The following TNRC6A variants were observed in gnomAD, a reference collection of about 807,000 sequenced individuals.
TNRC6A encodes trinucleotide repeat-containing gene 6A protein.
A neutral mutation model predicts 221.2 loss-of-function variants in TNRC6A; 44 were observed. The ratio of observed to expected loss-of-function variants is 0.20; its 90% CI spans 0.16 to 0.26. The LOEUF is 0.26. Among genes scored for constraint, TNRC6A ranks in the 10% least tolerant of loss-of-function variants. The pLI is 1.00. For synonymous variants in TNRC6A, 847 were observed against 838.5 expected, an observed-to-expected ratio of 1.01 and a Z score of -0.18; for missense variants, 2,199 against 2,404.4, an observed-to-expected ratio of 0.91 and a Z score of 1.79.
At chr16:24,816,639 A>T in intron 19 of TNRC6A, 177 bp from the exon 20 acceptor site, 1 of 744,712 alleles carries the variant, frequency 1.3e-6, no homozygotes, top group South Asian at 2.4e-5. Flanking sequence ...AGTAATTTAT[A>T]AAGAATAGCT....
chr16:24,694,160 C>G (rs1392138641), intron 2 of TNRC6A, among the ~76,000 whole-genome samples: 1 of 152,078 alleles, frequency 6.6e-6, no homozygotes, highest in African/African-American at 2.4e-5. Context: ...AAGACTCACG[C>G]CTCCCCTCTT....
intron 14 of TNRC6A, 172 bp from the exon 15 acceptor site, chr16:24,805,433 C>G: frequency 9.9e-7 from 1 of 1,011,256 alleles, no homozygotes; most frequent in Non-Finnish European, 1.4e-6. Context: ...TTTTACTTAA[C>G]CCACGAAAAA....
At chr16:24,621,346 T>G (rs900856679) in intron 1 of TNRC6A, among the ~76,000 whole-genome samples, 14 of 24,696 alleles carry the variant, frequency 5.7e-4, no homozygotes, top group Non-Finnish European at 9.7e-4. Context: ...GAATATGGTC[T>G]TTTTTTTTTT....
rs938169376 is a variant in TNRC6A at position 24,764,330 on chromosome 16, C to CTTT, written c.163+5982_163+5984dup. On this transcript the variant is annotated intron_variant, in intron 4 of 24. Coordinates refer to ENST00000395799, the MANE Select transcript of TNRC6A (RefSeq NM_014494.4). ...TTGCCACAATTTCTTCTTTTCTTTT[C>CTTT]TTTTTTTTTTTTTTGAGACAGAGTC... 8.4e-5 allele frequency among the ~76,000 whole-genome samples: 12 copies of CTTT among 142,058 alleles called. 1 individual carries two copies. Among genetic ancestry groups the CTTT allele is most frequent in the African/African-American group, 2.8e-4 (11 of 38,984 alleles). The allele number at this position is 142,058 out of a possible 152,430, so 93.2% of individuals were successfully genotyped here. A position where few individuals can be genotyped will look rare whatever the true frequency, so the allele number is the denominator to read the frequency against.
chr16:24,637,918 G>A (rs572236011), intron 1 of TNRC6A, among the ~76,000 whole-genome samples: 39 of 152,170 alleles, frequency 2.6e-4, no homozygotes, highest in African/African-American at 8.7e-4. Flanking sequence ...TCAAGTATCT[G>A]GGACTACCAG....
chr16:24,820,063 A>T (rs2058736382), intron 21 of TNRC6A, 76 bp from the exon 22 acceptor site: 1 of 1,367,634 alleles, frequency 7.3e-7, no homozygotes, highest in South Asian at 1.2e-5. Context: ...TTGTGGGAGA[A>T]TGGATGTCAT....
chr16:24,675,817 C>G (rs2142026193), intron 2 of TNRC6A, among the ~76,000 whole-genome samples: 1 of 148,746 alleles, frequency 6.7e-6, no homozygotes, highest in South Asian at 2.1e-4. Context: ...CACATAGGGT[C>G]TAGGAATTCA....
At chr16:24,610,683 G>T (rs1900005861) in intron 1 of TNRC6A, among the ~76,000 whole-genome samples, 1 of 152,136 alleles carries the variant, frequency 6.6e-6, no homozygotes, top group Non-Finnish European at 1.5e-5. Context: ...GGTGGAAGGA[G>T]CTTCTCCTTC....
chr16:24,678,008 T>G (rs1205672693), intron 2 of TNRC6A, among the ~76,000 whole-genome samples: 3 of 151,920 alleles, frequency 2.0e-5, no homozygotes. Flanking sequence ...AGTGTAACAC[T>G]TCTAATAAAT....
chr16:24,806,380 C>A, intron 16 of TNRC6A, 97 bp downstream of exon 16: 3 of 1,485,856 alleles, frequency 2.0e-6, no homozygotes, highest in South Asian at 1.2e-5. Context: ...TTTCTTAAAA[C>A]AATCTTACTA....
intron 2 of TNRC6A, among the ~76,000 whole-genome samples, chr16:24,723,376 C>T (rs2056443723): frequency 6.6e-6 from 1 of 152,066 alleles, no homozygotes; most frequent in South Asian, 2.1e-4. Context: ...GGAGGATCAC[C>T]TGAGGTCAGG....
chr16:24,823,847 G>C lies in TNRC6A; in HGVS notation c.*40G>C. The C allele has an allele frequency of 7.3e-7, 1 of 1,366,054 alleles. No individual in the cohort carries two copies. The highest frequency in any genetic ancestry group is 2.4e-5 in the South Asian group (1 of 42,450). The allele number at this position is 1,366,054 out of a possible 1,614,324, so 84.6% of individuals were successfully genotyped here. Reference sequence around the variant, plus strand: ...ACTCACCGACCGGGACCTCAGACGCGAGGGAAAGGAGCACTAAGTGGGGCT... The same window carrying C: ...ACTCACCGACCGGGACCTCAGACGCCAGGGAAAGGAGCACTAAGTGGGGCT... On this transcript the variant is annotated 3_prime_UTR_variant, in exon 25 of 25. Transcript: ENST00000395799. This position sits in a 1 kb window ranked among gnomAD's most constrained non-coding sequence, Gnocchi z 4.3.
At chr16:24,763,146 A>G (rs186824642) in intron 4 of TNRC6A, among the ~76,000 whole-genome samples, 428 of 152,288 alleles carry the variant, frequency 2.8e-3, no homozygotes, top group African/African-American at 9.9e-3. Context: ...TGATTCTAAA[A>G]TCTCCTGCAT....
In TNRC6A at chr16:24,791,161, G is replaced by T; in HGVS notation, c.2519G>T (p.Gly840Val). 1 of 1,614,116 alleles carries T rather than the reference G, an allele frequency of 6.2e-7. No individual in the cohort carries two copies. Among genetic ancestry groups the T allele is most frequent in the Non-Finnish European group, 8.5e-7 (1 of 1,180,022 alleles). Residue 840 changes from glycine (G) to valine (V), a missense_variant, in exon 6 of 25, where the codon GGT becomes GTT. This residue lies in a region of TNRC6A where 1,405 missense variants were observed against 1,400.2 expected (regional missense o/e 1.00). Transcript: ENST00000395799. Reference sequence around the variant, plus strand: ...TCGCAAAAGAATAAACAGGGATGGGGTGATGGACAAAAATCAAGCCAAGGG... The same window carrying T: ...TCGCAAAAGAATAAACAGGGATGGGTTGATGGACAAAAATCAAGCCAAGGG... ...NDSQKNKQGWGDGQKSSQGWS... is the reference protein window; with the variant it reads ...NDSQKNKQGWVDGQKSSQGWS...
At chr16:24,706,393 A>G (rs76080327) in intron 2 of TNRC6A, among the ~76,000 whole-genome samples, 1,859 of 152,318 alleles carry the variant, frequency 0.012, 44 homozygotes, top group African/African-American at 0.041. Context: ...GAAGCACATT[A>G]TAAAGCTACA....
At chr16:24,784,027 C>G (rs536034246) in intron 5 of TNRC6A, among the ~76,000 whole-genome samples, 1 of 152,112 alleles carries the variant, frequency 6.6e-6, no homozygotes, top group Non-Finnish European at 1.5e-5. Flanking sequence ...GATGGAGTTT[C>G]GCTCTTACAT....
At chr16:24,624,684 A>G (rs9929030) in intron 1 of TNRC6A, among the ~76,000 whole-genome samples, 9,690 of 151,760 alleles carry the variant, frequency 0.064, 738 homozygotes, top group African/African-American at 0.17. Flanking sequence ...GAGCTTCCCT[A>G]TGTTGCCCAG....
intron 2 of TNRC6A, among the ~76,000 whole-genome samples, chr16:24,724,590 A>G (rs2056462571): frequency 6.6e-6 from 1 of 152,112 alleles, no homozygotes; most frequent in Middle Eastern, 3.2e-3. Flanking sequence ...TACAAAAAAT[A>G]CAAAAAGTAG....
intron 2 of TNRC6A, among the ~76,000 whole-genome samples, chr16:24,661,178 A>G (rs1462392329): frequency 6.6e-6 from 1 of 152,084 alleles, no homozygotes; most frequent in Non-Finnish European, 1.5e-5. Flanking sequence ...TGCGCCTGTC[A>G]AAGGAGGAGT....
Sources: gnomAD v4.1 joint callset for allele counts (sites outside exome capture counted in the v4.1 genomes callset) on GRCh38, gnomAD v4.1.1 for gene constraint, gnomAD v4.1.1 regional missense constraint, Gnocchi (gnomAD v3.1) non-coding constraint, MANE v1.5 for transcripts, NCBI Gene and HGNC (gene_info 2026-07-23, HGNC 2026-07-21) for gene names.